EYA4: variants seen among roughly 807,000 people sequenced by gnomAD.
EYA4 encodes the protein EYA transcriptional coactivator and phosphatase 4.
EYA4 carries 31 observed loss-of-function variants against 87.9 expected under a neutral mutation model. The ratio of observed to expected loss-of-function variants is 0.35; its 90% confidence interval spans 0.27 to 0.48. The LOEUF is 0.48. Among genes scored for constraint, EYA4 ranks in the 20% least tolerant of loss-of-function variants. The pLI, the probability that EYA4 is intolerant of heterozygous loss-of-function variation, is 0.99. For synonymous variants in EYA4, 263 were observed against 270.6 expected, an observed-to-expected ratio of 0.97 and a Z score of 0.28; for missense variants, 678 against 761.4, an observed-to-expected ratio of 0.89 and a Z score of 1.29.
intron 2 of EYA4, among the ~76,000 whole-genome samples, chr6:133,336,193 T>G (rs1345420885): frequency 6.6e-6 from 1 of 152,304 alleles, no homozygotes; most frequent in Middle Eastern, 3.4e-3. Context: ...GGAATGTTTT[T>G]GGGGAATAAT....
chr6:133,496,822 G>A (rs903207690), intron 13 of EYA4, among the ~76,000 whole-genome samples: 1 of 152,160 alleles, frequency 6.6e-6, no homozygotes, highest in African/African-American at 2.4e-5. Context: ...TCTCCAAAAT[G>A]AGAAATAACT....
At chr6:133,414,020 A>T (rs906518530) in intron 3 of EYA4, among the ~76,000 whole-genome samples, 1 of 152,104 alleles carries the variant, frequency 6.6e-6, no homozygotes, top group African/African-American at 2.4e-5. Context: ...GAATCTATTG[A>T]CTTTCATTGA....
At chr6:133,482,070 G>T (rs1583413168) in intron 12 of EYA4, among the ~76,000 whole-genome samples, 1 of 152,280 alleles carries the variant, frequency 6.6e-6, no homozygotes, top group East Asian at 1.9e-4. Context: ...GTTAAAATCT[G>T]AAAATTTCAT....
chr6:133,456,698 C>A, intron 6 of EYA4, 50 bp downstream of exon 6: 1 of 1,074,040 alleles, frequency 9.3e-7, no homozygotes, highest in Non-Finnish European at 1.5e-6. Flanking sequence ...GGTGCATCCA[C>A]ATCCTCCTCC....
At chr6:133,510,443 T>C (rs891459111) in intron 14 of EYA4, 1 of 353,500 alleles carries the variant, frequency 2.8e-6, no homozygotes, top group Non-Finnish European at 5.6e-6. Flanking sequence ...AATCTCATCA[T>C]TTAGAACTAC....
chr6:133,283,112 G>A (rs909391171), intron 2 of EYA4, among the ~76,000 whole-genome samples: 2 of 151,958 alleles, frequency 1.3e-5, no homozygotes, highest in Non-Finnish European at 2.9e-5. Flanking sequence ...TGGCCAACAT[G>A]GTGAAACCCT....
chr6:133,528,701 T>A (rs1190965998), intron 19 of EYA4, 24 bp from the exon 20 acceptor site: 1 of 1,519,522 alleles, frequency 6.6e-7, no homozygotes, highest in African/African-American at 1.4e-5. Flanking sequence ...CTCTCTCCCA[T>A]CCCTCCTTCT....
At chr6:133,262,563 A>G (rs1440269727) in intron 1 of EYA4, among the ~76,000 whole-genome samples, 2 of 152,194 alleles carry the variant, frequency 1.3e-5, no homozygotes, top group Non-Finnish European at 2.9e-5. Flanking sequence ...CAATTAGCAA[A>G]CACAGACAAA....
chr6:133,397,782 G>C (rs1195397812), intron 3 of EYA4, among the ~76,000 whole-genome samples: 1 of 152,170 alleles, frequency 6.6e-6, no homozygotes, highest in Non-Finnish European at 1.5e-5. Context: ...GAAGGCAAAA[G>C]GCATGTGTCA....
At chr6:133,366,231 G>A (rs1489596110) in intron 2 of EYA4, among the ~76,000 whole-genome samples, 1 of 152,178 alleles carries the variant, frequency 6.6e-6, no homozygotes, top group Admixed American at 6.5e-5. Flanking sequence ...CCTGTTTCCG[G>A]CTTTACCTAA....
chr6:133,392,717 A>G (rs985502997), intron 3 of EYA4, among the ~76,000 whole-genome samples: 3 of 152,210 alleles, frequency 2.0e-5, no homozygotes, highest in African/African-American at 7.2e-5. Context: ...TTGGCTTGAA[A>G]TAGGCATGGT....
intron 2 of EYA4, among the ~76,000 whole-genome samples, chr6:133,315,751 G>A (rs1412064802): frequency 2.0e-5 from 3 of 152,096 alleles, no homozygotes; most frequent in Admixed American, 2.0e-4. Flanking sequence ...TCTACAGTAA[G>A]ATCATGAGGT....
At chr6:133,241,937 C>G (rs1425269993) in intron 1 of EYA4, among the ~76,000 whole-genome samples, 188 bp downstream of exon 1, 1 of 152,176 alleles carries the variant, frequency 6.6e-6, no homozygotes, top group African/African-American at 2.4e-5. Context: ...GGCCGGGTGC[C>G]CCACGCCTGA....
chr6:133,492,665 T>TA (rs1797289148), intron 13 of EYA4, among the ~76,000 whole-genome samples: 1 of 152,158 alleles, frequency 6.6e-6, no homozygotes, highest in South Asian at 2.1e-4. Context: ...GAAGTCAAAT[T>TA]AGCCTTATTT....
chr6:133,285,361 G>A (rs1441680847), intron 2 of EYA4, among the ~76,000 whole-genome samples: 1 of 152,092 alleles, frequency 6.6e-6, no homozygotes, highest in Non-Finnish European at 1.5e-5. Context: ...TGGGGAAAGT[G>A]GGTTTTAATT....
intron 1 of EYA4, among the ~76,000 whole-genome samples, chr6:133,258,729 G>A (rs912905343): frequency 2.6e-4 from 40 of 151,840 alleles, no homozygotes; most frequent in African/African-American, 7.5e-4. Context: ...GTTCTTTCCC[G>A]GGGGCTTTTT....
At chr6:133,410,314 G>A (rs1177437257) in intron 3 of EYA4, among the ~76,000 whole-genome samples, 1 of 152,034 alleles carries the variant, frequency 6.6e-6, no homozygotes, top group Non-Finnish European at 1.5e-5. Flanking sequence ...AAATAGGGAT[G>A]TGTTATTGGT....
At chr6:133,256,494 A>G (rs1775347488) in intron 1 of EYA4, among the ~76,000 whole-genome samples, 2 of 152,022 alleles carry the variant, frequency 1.3e-5, no homozygotes, top group Non-Finnish European at 1.5e-5. Flanking sequence ...CACCTTACAT[A>G]TATTACGATA....
chr6:133,411,485 C>T (rs1338032951), intron 3 of EYA4, among the ~76,000 whole-genome samples: 1 of 152,110 alleles, frequency 6.6e-6, no homozygotes, highest in Non-Finnish European at 1.5e-5. Flanking sequence ...AACACAGTCA[C>T]TCTACCCAGA....
Sources: allele counts gnomAD v4.1 joint callset (sites outside exome capture counted in the v4.1 genomes callset), GRCh38; gene constraint gnomAD v4.1.1; transcripts MANE v1.5; gene names NCBI Gene and HGNC (gene_info 2026-07-23, HGNC 2026-07-21).